VPS26C: variants seen among roughly 807,000 people sequenced by gnomAD.
The protein encoded by VPS26C is VPS26 endosomal protein sorting factor C.
A neutral mutation model predicts 30.6 loss-of-function variants in VPS26C; 19 were observed. The observed-to-expected ratio is 0.62, with a 90% CI of 0.43 to 0.91. VPS26C has a LOEUF of 0.91. Ranked by LOEUF, VPS26C falls within the 40% of genes least tolerant of loss-of-function variation. The probability of loss-of-function intolerance (pLI) is 0.00; values close to 1 mark genes in which losing one functional copy is unlikely to be tolerated. For missense variants in VPS26C, 318 were observed against 385.1 expected (o/e 0.83, Z 1.46); for synonymous variants, 132 against 151.5 (o/e 0.87, Z 0.95).
chr21:37,239,612 T>A (rs1330803393), intron 2 of VPS26C, among the ~76,000 whole-genome samples: 1 of 152,034 alleles, frequency 6.6e-6, no homozygotes, highest in East Asian at 1.9e-4. Flanking sequence ...TCTTTTTTTT[T>A]TTTTTTTGGA....
chr21:37,254,815 TAAATAAAAG>T (rs1402936394), intron 1 of VPS26C, among the ~76,000 whole-genome samples: 80 of 150,924 alleles, frequency 5.3e-4, no homozygotes, highest in African/African-American at 1.7e-3. Flanking sequence ...AAAAAAAAAA[TAAATAAAAG>T]AAAAGAAAAA....
Position 37,226,249 on chromosome 21 carries a change from C to T in VPS26C, c.812-623G>A, listed in dbSNP as rs946216105. The T allele has an allele frequency of 3.9e-5, 6 of 153,950 alleles. No individual in the cohort carries two copies. Among genetic ancestry groups the T allele is most frequent in the Non-Finnish European group, 7.2e-5 (5 of 69,050 alleles). The allele number at this position is 153,950 out of a possible 1,614,324, so 9.5% of individuals were successfully genotyped here. The stretch of plus-strand genomic sequence containing the variant: ...GACAAACAAGCACCATCTCCTTCCC[C>T]AGTGTGAGGAGGGGTGGGAAGGGCA... On this transcript the variant is annotated intron_variant, in intron 7 of 7. Transcript: ENST00000309117. The surrounding 1 kb of genome is among the most constrained non-coding windows in gnomAD (Gnocchi z 4.1).
Position 37,240,617 on chromosome 21 carries a change from A to C in VPS26C, c.80T>G (p.Val27Gly), listed in dbSNP as rs1206142866. 2 of 1,614,086 alleles carry C rather than the reference A, an allele frequency of 1.2e-6. No individual in the cohort carries two copies. The highest frequency in any genetic ancestry group is 2.2e-5 in the East Asian group (1 of 44,882). Residue 27 changes from valine (V) to glycine (G), a missense_variant, in exon 2 of 8, where the codon GTC becomes GGC. Coordinates refer to ENST00000309117, the MANE Select transcript of VPS26C (RefSeq NM_006052.2). The stretch of plus-strand genomic sequence containing the variant: ...TTGGACTGAATCCTTACTCGATATG[A>C]CCACCACGCCAGAGAGCACTTCCTG... ...HAGEVLSGVV[V>G]ISSKDSVQHQ...
Position 37,233,433 on chromosome 21 carries a change from G to T in VPS26C, c.361C>A (p.Arg121Ser), listed in dbSNP as rs766553233. 6 of 1,613,764 alleles carry T rather than the reference G, an allele frequency of 3.7e-6. No homozygotes were observed. The highest frequency in any genetic ancestry group is 4.5e-5 in the East Asian group (2 of 44,894). Residue 121 changes from arginine (R) to serine (S), a missense_variant, in exon 4 of 8, where the codon CGC (arginine) becomes AGC (serine). Physicochemically the swap from Arg to Ser is moderately radical, Grantham distance 110 (BLOSUM62 -1). Coordinates refer to ENST00000309117, the MANE Select transcript of VPS26C (RefSeq NM_006052.2). This position sits in a 1 kb window ranked among gnomAD's most constrained non-coding sequence, Gnocchi z 5.2. ...AACAGAGACCGCTTCATGTCACAGC[G>T]CAGTGTATACTAAAGGGGAGAGTTG... is the stretch of plus-strand genomic sequence containing the variant. Reference protein sequence around the residue: ...GVFVNIQYTLRCDMKRSLLAK... With the variant: ...GVFVNIQYTLSCDMKRSLLAK...
At chr21:37,267,506 G>T, upstream of VPS26C, 1 of 586,932 alleles carries the variant, frequency 1.7e-6, no homozygotes, top group South Asian at 2.0e-5. Flanking sequence ...CCTTAGTGCG[G>T]GCCGAAGCGC....
upstream of VPS26C, chr21:37,267,511 A>G: frequency 5.2e-6 from 3 of 581,752 alleles, no homozygotes; most frequent in Non-Finnish European, 6.1e-6. Context: ...GTGCGGGCCG[A>G]AGCGCTGTCA....
intron 1 of VPS26C, among the ~76,000 whole-genome samples, chr21:37,244,964 T>A (rs568236988): frequency 6.6e-6 from 1 of 152,262 alleles, no homozygotes; most frequent in African/African-American, 2.4e-5. Flanking sequence ...AATGAGCCCC[T>A]CTGCAAGGTG....
At chr21:37,237,025 C>T (rs912746736) in intron 3 of VPS26C, among the ~76,000 whole-genome samples, 1 of 152,182 alleles carries the variant, frequency 6.6e-6, no homozygotes, top group Admixed American at 6.5e-5. Context: ...AAGCAATCCT[C>T]CTGCCATGGC....
chr21:37,244,866 A>AT (rs2086121534), intron 1 of VPS26C, among the ~76,000 whole-genome samples: 2 of 152,190 alleles, frequency 1.3e-5, no homozygotes, highest in Non-Finnish European at 2.9e-5. Flanking sequence ...GTGAGGGTAC[A>AT]CCTGGGAACA....
intron 1 of VPS26C, among the ~76,000 whole-genome samples, chr21:37,256,462 T>C (rs1602285108): frequency 6.6e-6 from 1 of 152,254 alleles, no homozygotes; most frequent in East Asian, 1.9e-4. Context: ...TATATAAGAC[T>C]TCATTTAATA....
chr21:37,261,807 T>C (rs560317583), intron 1 of VPS26C: 1 of 152,226 alleles, frequency 6.6e-6, no homozygotes, highest in South Asian at 2.1e-4. Context: ...TACCAAACCA[T>C]GAAACCTCAT....
intron 1 of VPS26C, among the ~76,000 whole-genome samples, chr21:37,245,576 C>T (rs1396589258): frequency 6.6e-6 from 1 of 152,198 alleles, no homozygotes. Context: ...GACACTTACA[C>T]CTTCCAAAAT....
intron 1 of VPS26C, among the ~76,000 whole-genome samples, chr21:37,259,297 T>C (rs79344148): frequency 3.3e-5 from 5 of 151,622 alleles, no homozygotes; most frequent in African/African-American, 1.2e-4. Context: ...CCTTTTTTTT[T>C]CATAAGAAAT....
intron 1 of VPS26C, among the ~76,000 whole-genome samples, chr21:37,255,921 C>T (rs2086238712): frequency 7.3e-6 from 1 of 136,550 alleles, no homozygotes; most frequent in Admixed American, 8.3e-5. Context: ...CTATAACCTC[C>T]GCCTCCCAGG....
At chr21:37,230,253 C>T (rs141091868) in intron 5 of VPS26C, among the ~76,000 whole-genome samples, 1,551 of 152,220 alleles carry the variant, frequency 0.01, 17 homozygotes, top group East Asian at 0.03. Flanking sequence ...TTCTTTTAGG[C>T]GACTGATGAA....
intron 1 of VPS26C, among the ~76,000 whole-genome samples, chr21:37,242,679 G>A (rs891238649): frequency 6.6e-6 from 1 of 152,158 alleles, no homozygotes; most frequent in Non-Finnish European, 1.5e-5. Flanking sequence ...AATAATTTGT[G>A]AGCTTTATCA....
chr21:37,249,673 TAAC>T (rs1462825956), intron 1 of VPS26C, among the ~76,000 whole-genome samples: 1 of 152,082 alleles, frequency 6.6e-6, no homozygotes, highest in Non-Finnish European at 1.5e-5. Flanking sequence ...TAAAAGAAAA[TAAC>T]ACCACAATTG....
In VPS26C at chr21:37,223,948, A is replaced by G. The variant is rs1017040714; in HGVS notation, c.*1596T>C. ...AGTTGTGGGCCAACAAAACAGTGGCAGGATTTGAAGGAAGAAATGTATTGC... is the reference window on the plus strand; with the variant it reads ...AGTTGTGGGCCAACAAAACAGTGGCGGGATTTGAAGGAAGAAATGTATTGC... On this transcript the variant is annotated 3_prime_UTR_variant, in exon 8 of 8. Transcript: ENST00000309117. The G allele has an allele frequency of 6.6e-6, 1 of 152,276 alleles. No homozygotes were observed. Among genetic ancestry groups the G allele is most frequent in the Non-Finnish European group, 1.5e-5 (1 of 68,058 alleles). 9.4% of individuals were successfully genotyped at this position (152,276 alleles called of 1,614,324 possible).
intron 1 of VPS26C, among the ~76,000 whole-genome samples, chr21:37,266,010 C>T (rs894567938): frequency 1.3e-5 from 2 of 148,628 alleles, no homozygotes; most frequent in Non-Finnish European, 1.5e-5. Flanking sequence ...CTCCGCCTCC[C>T]GGGTTCCAGC....
Sources: allele counts gnomAD v4.1 joint callset (sites outside exome capture counted in the v4.1 genomes callset), GRCh38; gene constraint gnomAD v4.1.1; non-coding constraint Gnocchi (gnomAD v3.1); transcripts MANE v1.5; gene names NCBI Gene and HGNC (gene_info 2026-07-23, HGNC 2026-07-21).